ERBB4: variants seen among roughly 807,000 people sequenced by gnomAD.
ERBB4 encodes erb-b2 receptor tyrosine kinase 4.
In ERBB4, 42 loss-of-function variants were observed where a neutral mutation model predicts 158.0. The observed-to-expected ratio is 0.27, with a 90% CI of 0.21 to 0.34. ERBB4 has a LOEUF of 0.34. ERBB4 is among the 10% of genes least tolerant of loss of function. ERBB4 has a pLI of 1.00. For missense variants in ERBB4, 1,333 were observed against 1,624.1 expected (o/e 0.82, Z 3.08); for synonymous variants, 583 against 558.7 (o/e 1.04, Z -0.61).
At chr2:212,083,579 T>C (rs1221628458) in intron 2 of ERBB4, among the ~76,000 whole-genome samples, 1 of 151,838 alleles carries the variant, frequency 6.6e-6, no homozygotes, top group Non-Finnish European at 1.5e-5. Context: ...CACGAGAGAC[T>C]GCCCGCACTA....
intron 1 of ERBB4, among the ~76,000 whole-genome samples, chr2:212,446,591 G>GTATGTATATATA (rs1303302858): frequency 2.5e-4 from 7 of 27,516 alleles, no homozygotes; most frequent in South Asian, 1.4e-3. Context: ...ATATATATAT[G>GTATGTATATATA]TATATATATA....
At chr2:211,644,581 C>A (rs2070718051) in intron 16 of ERBB4, among the ~76,000 whole-genome samples, 2 of 151,870 alleles carry the variant, frequency 1.3e-5, no homozygotes, top group South Asian at 4.1e-4. Context: ...AGGAAAAAAC[C>A]CACATCTACA....
At position 211,466,180 on chromosome 2, in the gene ERBB4, G is replaced by A. The variant is rs181984507; in HGVS notation, c.2488-35080C>T. ...CATTTTTAAAAGAGATATTGCAAACGCTTTATGAAGTCTTTGTGTCCTCCA... is the reference window on the plus strand; with the variant it reads ...CATTTTTAAAAGAGATATTGCAAACACTTTATGAAGTCTTTGTGTCCTCCA... On this transcript the variant is annotated intron_variant, in intron 20 of 27. Coordinates refer to ENST00000342788, the MANE Select transcript of ERBB4 (RefSeq NM_005235.3). Among the ~76,000 whole-genome samples, 11 of 152,134 alleles carry A rather than the reference G, an allele frequency of 7.2e-5. No individual in the cohort carries two copies. In the East Asian group the frequency reaches 1.7e-3, roughly 24 times the overall value.
intron 1 of ERBB4, among the ~76,000 whole-genome samples, chr2:212,381,607 A>G (rs545622293): frequency 6.6e-6 from 1 of 151,500 alleles, no homozygotes; most frequent in East Asian, 1.9e-4. Context: ...CTCTCTGCCA[A>G]GTAATTAGTC....
At chr2:211,977,950 C>T (rs1295350323) in intron 2 of ERBB4, among the ~76,000 whole-genome samples, 1 of 150,430 alleles carries the variant, frequency 6.6e-6, no homozygotes, top group African/African-American at 2.5e-5. Flanking sequence ...ATTATTTAGG[C>T]TATTTCAAAC....
chr2:211,669,480 T>A (rs2071758086), intron 14 of ERBB4, among the ~76,000 whole-genome samples: 1 of 152,144 alleles, frequency 6.6e-6, no homozygotes, highest in Non-Finnish European at 1.5e-5. Context: ...AACTGTCTGA[T>A]TTCCCAGGCT....
chr2:211,666,813 T>C (rs1001752464), intron 14 of ERBB4, among the ~76,000 whole-genome samples: 7 of 152,290 alleles, frequency 4.6e-5, no homozygotes, highest in Middle Eastern at 3.4e-3. Flanking sequence ...TCAACAATCA[T>C]TATAGTTCAC....
chr2:211,671,782 C>A (rs2071850823), intron 14 of ERBB4, among the ~76,000 whole-genome samples: 1 of 152,098 alleles, frequency 6.6e-6, no homozygotes, highest in South Asian at 2.1e-4. Flanking sequence ...ATACAGATAT[C>A]CCAACCTGCC....
chr2:212,343,949 AT>A (rs879896900), intron 1 of ERBB4, among the ~76,000 whole-genome samples: 37 of 152,040 alleles, frequency 2.4e-4, no homozygotes, highest in Middle Eastern at 3.4e-3. Context: ...TTCCAATGCA[AT>A]TTTTTTTCCA....
intron 1 of ERBB4, among the ~76,000 whole-genome samples, chr2:212,451,917 G>T (rs1351365457): frequency 6.6e-6 from 1 of 151,992 alleles, no homozygotes; most frequent in Non-Finnish European, 1.5e-5. Context: ...AATGAAGGTT[G>T]CATCACCAGA....
At chr2:212,332,655 C>T (rs1296342618) in intron 1 of ERBB4, among the ~76,000 whole-genome samples, 2 of 152,026 alleles carry the variant, frequency 1.3e-5, no homozygotes, top group Non-Finnish European at 2.9e-5. Context: ...ATGATCCACA[C>T]AGATAGGGAT....
At chr2:212,175,103 T>A (rs547534104) in intron 1 of ERBB4, among the ~76,000 whole-genome samples, 1 of 152,192 alleles carries the variant, frequency 6.6e-6, no homozygotes, top group East Asian at 1.9e-4. Flanking sequence ...GGTGTAAAAG[T>A]CACCATATCA....
At chr2:211,843,056 T>C (rs1299645538) in intron 3 of ERBB4, among the ~76,000 whole-genome samples, 1 of 152,156 alleles carries the variant, frequency 6.6e-6, no homozygotes, top group African/African-American at 2.4e-5. Context: ...CACTAACAGC[T>C]ATTGAAGTCA....
chr2:211,665,230 G>A (rs767123261), intron 15 of ERBB4, 93 bp downstream of exon 15: 2 of 1,245,530 alleles, frequency 1.6e-6, no homozygotes, highest in African/African-American at 1.5e-5. Context: ...AGAGTTCTAT[G>A]AGAATGGTAT....
chr2:212,132,653 G>A (rs2080141038), intron 1 of ERBB4, among the ~76,000 whole-genome samples: 1 of 151,978 alleles, frequency 6.6e-6, no homozygotes, highest in Non-Finnish European at 1.5e-5. Context: ...CTAACTCTCA[G>A]GCCTTTAAAC....
At chr2:212,232,028 T>A (rs2083681976) in intron 1 of ERBB4, among the ~76,000 whole-genome samples, 1 of 152,184 alleles carries the variant, frequency 6.6e-6, no homozygotes, top group African/African-American at 2.4e-5. Context: ...CTGTTTTAGA[T>A]TCGAATTTCC....
intron 3 of ERBB4, among the ~76,000 whole-genome samples, chr2:211,913,399 G>T (rs1006377357): frequency 1.3e-5 from 2 of 151,974 alleles, no homozygotes; most frequent in Non-Finnish European, 2.9e-5. Flanking sequence ...TCTGGAGTTC[G>T]AGATCAGCCT....
At chr2:212,128,607 G>T (rs1297746657) in intron 1 of ERBB4, among the ~76,000 whole-genome samples, 1 of 152,060 alleles carries the variant, frequency 6.6e-6, no homozygotes, top group Non-Finnish European at 1.5e-5. Flanking sequence ...ATGAATATTG[G>T]CCCCACCTGC....
At chr2:211,814,033 T>C (rs776185273) in intron 3 of ERBB4, among the ~76,000 whole-genome samples, 4 of 152,126 alleles carry the variant, frequency 2.6e-5, no homozygotes, top group Admixed American at 6.5e-5. Context: ...CTAAAAACTA[T>C]ACAGCCATTA....
Sources: gnomAD v4.1 joint callset for allele counts (sites outside exome capture counted in the v4.1 genomes callset) on GRCh38, gnomAD v4.1.1 for gene constraint, MANE v1.5 for transcripts, NCBI Gene and HGNC (gene_info 2026-07-23, HGNC 2026-07-21) for gene names.